Variants in TNS1 observed in about 807,000 individuals in gnomAD.
TNS1 encodes the protein tensin 1.
A neutral mutation model predicts 168.6 loss-of-function variants in TNS1; 62 were observed. The ratio of observed to expected loss-of-function variants is 0.37; its 90% CI spans 0.30 to 0.45. The LOEUF (loss-of-function observed/expected upper bound fraction) is 0.45. Among genes scored for constraint, TNS1 ranks in the 20% least tolerant of loss-of-function variants. The pLI is 1.00. For synonymous variants in TNS1, 934 were observed against 933.2 expected, an observed-to-expected ratio of 1.00 and a Z score of -0.02; for missense variants, 2,240 against 2,339.4, an observed-to-expected ratio of 0.96 and a Z score of 0.88.
intron 3 of TNS1, among the ~76,000 whole-genome samples, chr2:217,924,003 C>T (rs748364983): frequency 2.0e-4 from 31 of 152,218 alleles, no homozygotes; most frequent in Non-Finnish European, 4.1e-4. Context: ...GGAAAAAGCA[C>T]TAGAGAGCAG....
chr2:217,859,692 T>C (rs1240194173), intron 18 of TNS1: 2 of 1,535,916 alleles, frequency 1.3e-6, no homozygotes, highest in Non-Finnish European at 8.7e-7. Context: ...GGTATTCTGT[T>C]TGTTCCCATC....
At chr2:217,974,715 T>C (rs1394312000) in intron 3 of TNS1, among the ~76,000 whole-genome samples, 2 of 152,180 alleles carry the variant, frequency 1.3e-5, no homozygotes, top group East Asian at 3.8e-4. Flanking sequence ...TATATGCCAA[T>C]GTGCATTTAA....
chr2:217,924,020 C>G (rs1955875867), intron 3 of TNS1, among the ~76,000 whole-genome samples: 1 of 152,230 alleles, frequency 6.6e-6, no homozygotes, highest in Non-Finnish European at 1.5e-5. Context: ...GCAGCCAGCC[C>G]AGGCAGGGAA....
At chr2:217,971,600 T>A (rs1321118686) in intron 3 of TNS1, among the ~76,000 whole-genome samples, 1 of 152,172 alleles carries the variant, frequency 6.6e-6, no homozygotes, top group Non-Finnish European at 1.5e-5. Context: ...GGAGTGGAAT[T>A]TCTGGGTCAT....
At chr2:218,019,716 C>A (rs1487063734) in intron 1 of TNS1, among the ~76,000 whole-genome samples, 1 of 152,222 alleles carries the variant, frequency 6.6e-6, no homozygotes, top group African/African-American at 2.4e-5. Context: ...AAGGGGAAAT[C>A]AGTTACAATC....
rs1958197362 is a variant in TNS1 at position 217,986,563 on chromosome 2, C to T, written c.148+4379G>A. ...GAGTCCACATAGCCTCCCTCTGGGG[C>T]CTCCTGTGCACATGGACTCCCATAG... On this transcript the variant is annotated intron_variant, in intron 2 of 32. Coordinates refer to ENST00000682258, the MANE Select transcript of TNS1 (RefSeq NM_001387777.1). This position sits in a 1 kb window ranked among gnomAD's most constrained non-coding sequence, Gnocchi z 4.7. Among the ~76,000 whole-genome samples the T allele has an allele frequency of 1.3e-5, 2 of 152,280 alleles. No homozygotes were observed. Among genetic ancestry groups the T allele is most frequent in the South Asian group, 4.1e-4 (2 of 4,830 alleles).
Position 217,892,898 on chromosome 2 carries a change from G to A in TNS1, c.782+50C>T, listed in dbSNP as rs762395423. The A allele has an allele frequency of 2.5e-6, 4 of 1,583,762 alleles. No homozygotes were observed. In the East Asian group the frequency reaches 6.7e-5, roughly 27 times the overall value. On this transcript the variant is annotated intron_variant, in intron 11 of 32. Coordinates refer to ENST00000682258, the MANE Select transcript of TNS1 (RefSeq NM_001387777.1). ...AGGCTGTGGGTGGATGAGAGGAGGG[G>A]GGTCACACTGTCGATGTTCAGAGGA...
chr2:217,861,613 AAT>A (rs1948790696), intron 18 of TNS1, among the ~76,000 whole-genome samples: 1 of 152,238 alleles, frequency 6.6e-6, no homozygotes, highest in Non-Finnish European at 1.5e-5. Flanking sequence ...CATTGGTTTG[AAT>A]ACAGATACTA....
Position 217,848,177 on chromosome 2 carries a change from C to T in TNS1, c.2340G>A (p.Gln780=), listed in dbSNP as rs1212672329. ...RGLNSWQQQQ[Q]QQQQPRPPPR... ...GAGGTGGGCGAGGCTGCTGCTGCTG[C>T]TGCTGCTGCTGCTGCCACGAATTCA... Residue 780 remains glutamine (Q), a synonymous_variant, in exon 19 of 33, where the codon CAG becomes CAA. Transcript: ENST00000682258. 1.9e-6 allele frequency: 3 copies of T among 1,603,430 alleles called. No individual in the cohort carries two copies. Among genetic ancestry groups the T allele is most frequent in the Non-Finnish European group, 2.6e-6 (3 of 1,174,966 alleles).
intron 3 of TNS1, among the ~76,000 whole-genome samples, chr2:217,955,216 C>T (rs376278365): frequency 7.9e-5 from 12 of 152,216 alleles, no homozygotes; most frequent in African/African-American, 2.4e-4. Context: ...GTGGGTTCCA[C>T]GCCCGCAGTG....
chr2:217,832,872 T>A (rs1397816066), intron 21 of TNS1, among the ~76,000 whole-genome samples: 1 of 152,094 alleles, frequency 6.6e-6, no homozygotes, highest in East Asian at 1.9e-4. Context: ...CCTCCAGGTA[T>A]GGGATAGCTC....
intron 15 of TNS1, 90 bp from the exon 16 acceptor site, chr2:217,885,254 C>A: frequency 6.4e-7 from 1 of 1,558,598 alleles, no homozygotes; most frequent in South Asian, 1.2e-5. Context: ...GCTGACTGAG[C>A]CCCCAAGGCT....
intron 18 of TNS1, among the ~76,000 whole-genome samples, chr2:217,857,091 T>C (rs1429028480): frequency 1.3e-5 from 2 of 152,138 alleles, no homozygotes; most frequent in Non-Finnish European, 2.9e-5. Context: ...GCCTTGAAGA[T>C]GGAGAAAGTC....
chr2:218,009,994 G>A (rs1184668453), intron 1 of TNS1: 6 of 389,272 alleles, frequency 1.5e-5, no homozygotes, highest in Non-Finnish European at 2.7e-5. Flanking sequence ...GAGAGTGGAG[G>A]GTAGTAAGTC....
intron 3 of TNS1, among the ~76,000 whole-genome samples, chr2:217,959,122 C>A (rs1178803347): frequency 6.6e-6 from 1 of 152,214 alleles, no homozygotes; most frequent in African/African-American, 2.4e-5. Flanking sequence ...CTGGTTTCAC[C>A]CATTCCTTAG....
chr2:217,884,445 A>T (rs1401477749), intron 16 of TNS1, among the ~76,000 whole-genome samples: 1 of 152,162 alleles, frequency 6.6e-6, no homozygotes, highest in African/African-American at 2.4e-5. Context: ...CTTCCAATGG[A>T]TAAAAGAAAG....
chr2:218,017,437 C>T (rs1958771868), intron 1 of TNS1, among the ~76,000 whole-genome samples: 1 of 152,226 alleles, frequency 6.6e-6, no homozygotes, highest in South Asian at 2.1e-4. Context: ...GGGGCACTGC[C>T]CCTCTGGGAG....
rs1456813888 is a variant in TNS1 at position 217,898,630 on chromosome 2, TG to T, written c.372-662del. ...TCTCCCCACCTCTGGCAGCTCCCAC[TG>T]CCTGCCAGAGCTGCTTCTTGGCAGC... On this transcript the variant is annotated intron_variant, in intron 7 of 32. Transcript: ENST00000682258. Among the ~76,000 whole-genome samples the T allele has an allele frequency of 3.3e-5, 5 of 152,214 alleles. No homozygotes were observed. The Middle Eastern group carries it at 9.5e-3, about 289-fold the overall frequency.
At chr2:217,956,058 G>C (rs917018530) in intron 3 of TNS1, among the ~76,000 whole-genome samples, 2 of 152,190 alleles carry the variant, frequency 1.3e-5, no homozygotes, top group African/African-American at 4.8e-5. Context: ...AGTCACGGAA[G>C]GCTCTGGAGG....
Sources: gnomAD v4.1 joint callset for allele counts (sites outside exome capture counted in the v4.1 genomes callset) on GRCh38, gnomAD v4.1.1 for gene constraint, Gnocchi (gnomAD v3.1) non-coding constraint, MANE v1.5 for transcripts, NCBI Gene and HGNC (gene_info 2026-07-23, HGNC 2026-07-21) for gene names.